The following AGBL1 variants were observed in gnomAD, a reference collection of about 807,000 sequenced individuals.
AGBL1 encodes the protein cytosolic carboxypeptidase 4.
AGBL1 carries 130 observed loss-of-function variants against 118.9 expected under a neutral mutation model. The ratio of observed to expected loss-of-function variants is 1.09; its 90% CI spans 0.95 to 1.26. The LOEUF (loss-of-function observed/expected upper bound fraction) is 1.26. Among genes scored for constraint, AGBL1 ranks in the 50% most tolerant of loss-of-function variants. The probability of loss-of-function intolerance (pLI) is 0.00; values close to 1 mark genes in which losing one functional copy is unlikely to be tolerated. For missense variants in AGBL1, 1,584 were observed against 1,298.1 expected, an observed-to-expected ratio of 1.22 and a Z score of -3.38; for synonymous variants, 555 against 478.9, an observed-to-expected ratio of 1.16 and a Z score of -2.08.
At chr15:86,112,293 G>A (rs1285690452) in intron 1 of AGBL1, among the ~76,000 whole-genome samples, 1 of 152,020 alleles carries the variant, frequency 6.6e-6, no homozygotes, top group Non-Finnish European at 1.5e-5. Flanking sequence ...GGCTGATAAC[G>A]ATGTATGGGC....
At position 86,093,031 on chromosome 15, in the gene AGBL1, C is replaced by G. The variant is rs112797164; in HGVS notation, c.51+13008C>G. Among the ~76,000 whole-genome samples, 14 of 152,130 alleles carry G rather than the reference C, an allele frequency of 9.2e-5. No homozygotes were observed. The East Asian group carries it at 2.7e-3, about 29-fold the overall frequency. On this transcript the variant is annotated intron_variant, in intron 1 of 22. Coordinates refer to ENST00000614907, the MANE Select transcript of AGBL1 (RefSeq NM_001386094.1). ...GAAGTATTTACTGTTTTGGAAGGTGCCTGGGAAGGTTGAATTGTATATTCG... is the reference window on the plus strand; with the variant it reads ...GAAGTATTTACTGTTTTGGAAGGTGGCTGGGAAGGTTGAATTGTATATTCG...
rs76300113 is a variant in AGBL1, at chr15:86,866,477, G to A, written c.3159-40610G>A. ...CAACAGTCATCTACTTCTTGCATAA[G>A]TCTTTCAGAAAACAATTATTGAGCA... On this transcript the variant is annotated intron_variant, in intron 22 of 22. Transcript: ENST00000614907. Among the ~76,000 whole-genome samples, 689 of 152,306 alleles carry A rather than the reference G, an allele frequency of 4.5e-3. 8 individuals are homozygous for A. Among genetic ancestry groups the A allele is most frequent in the African/African-American group, 0.016 (664 of 41,578 alleles).
intron 24 of AGBL1, among the ~76,000 whole-genome samples, chr15:87,012,175 T>G (rs11856700): frequency 0.11 from 15,590 of 145,558 alleles, 1,614 homozygotes; most frequent in African/African-American, 0.28. Flanking sequence ...GTACTTTTCT[T>G]TGTATATACA....
At chr15:86,224,060 A>G (rs973395145) in intron 5 of AGBL1, among the ~76,000 whole-genome samples, 3 of 152,116 alleles carry the variant, frequency 2.0e-5, no homozygotes, top group African/African-American at 4.8e-5. Flanking sequence ...TGTTCCTCCA[A>G]TCCTGAGAGA....
At chr15:86,151,301 TAAA>T (rs199623183) in intron 3 of AGBL1, among the ~76,000 whole-genome samples, 11 of 128,698 alleles carry the variant, frequency 8.5e-5, no homozygotes, top group South Asian at 2.4e-4. Context: ...AAAGTGTAAT[TAAA>T]AAAAAAAAAA....
intron 22 of AGBL1, among the ~76,000 whole-genome samples, chr15:86,857,662 A>G (rs545684922): frequency 1.3e-5 from 2 of 152,258 alleles, no homozygotes; most frequent in South Asian, 2.1e-4. Flanking sequence ...TGCTGTTTTT[A>G]TATACTCATG....
intron 17 of AGBL1, among the ~76,000 whole-genome samples, chr15:86,308,486 C>T (rs574998921): frequency 3.0e-4 from 45 of 152,244 alleles, no homozygotes; most frequent in East Asian, 1.9e-3. Context: ...CCTCCAAAAC[C>T]GTTAAAATAA....
At chr15:86,461,473 G>A (rs1251463360) in intron 18 of AGBL1, among the ~76,000 whole-genome samples, 1 of 151,984 alleles carries the variant, frequency 6.6e-6, no homozygotes, top group Non-Finnish European at 1.5e-5. Flanking sequence ...TTTATATAGC[G>A]CTTATCTCCC....
chr15:86,242,272 TA>T (rs796861001), intron 6 of AGBL1, among the ~76,000 whole-genome samples: 21 of 148,530 alleles, frequency 1.4e-4, no homozygotes, highest in East Asian at 3.9e-4. Context: ...GCCATTGGAA[TA>T]AAAAAAAAAT....
intron 17 of AGBL1, among the ~76,000 whole-genome samples, chr15:86,367,772 G>A (rs766361252): frequency 2.6e-5 from 4 of 152,120 alleles, no homozygotes; most frequent in African/African-American, 7.2e-5. Flanking sequence ...AACAGATGAC[G>A]TTGGTAGATA....
chr15:86,135,018 T>C (rs1172059809), intron 1 of AGBL1, among the ~76,000 whole-genome samples: 3 of 151,966 alleles, frequency 2.0e-5, no homozygotes, highest in African/African-American at 4.8e-5. Flanking sequence ...AATGTTGGAG[T>C]TGGGGCCTAA....
At chr15:86,904,549 CATATT>C (rs1391490065) in intron 22 of AGBL1, among the ~76,000 whole-genome samples, 2 of 148,442 alleles carry the variant, frequency 1.3e-5, no homozygotes, top group Non-Finnish European at 3.0e-5. Flanking sequence ...ATGTTTATAA[CATATT>C]ATGTTACATA....
At chr15:86,162,648 T>A (rs1056444468) in intron 5 of AGBL1, among the ~76,000 whole-genome samples, 1 of 152,210 alleles carries the variant, frequency 6.6e-6, no homozygotes, top group Non-Finnish European at 1.5e-5. Context: ...ATGAGTCCCA[T>A]GCTAGTGGGA....
chr15:86,130,758 A>C (rs930634650), intron 1 of AGBL1, among the ~76,000 whole-genome samples: 4 of 152,188 alleles, frequency 2.6e-5, no homozygotes, highest in Admixed American at 2.6e-4. Context: ...TTTGCATTCT[A>C]GTCACTATTG....
intron 18 of AGBL1, among the ~76,000 whole-genome samples, chr15:86,487,100 C>T (rs1332943688): frequency 6.6e-6 from 1 of 152,082 alleles, no homozygotes; most frequent in Non-Finnish European, 1.5e-5. Flanking sequence ...AGCCCTTGGG[C>T]TTGCCAGCTC....
chr15:86,104,381 G>A, intron 1 of AGBL1, among the ~76,000 whole-genome samples: 1 of 152,170 alleles, frequency 6.6e-6, no homozygotes, highest in Non-Finnish European at 1.5e-5. Flanking sequence ...AGGCAGCTGG[G>A]GAGTATATGC....
intron 17 of AGBL1, among the ~76,000 whole-genome samples, chr15:86,381,282 C>G (rs553270382): frequency 1.3e-5 from 2 of 152,270 alleles, no homozygotes; most frequent in South Asian, 4.2e-4. Context: ...AAATTGCTTT[C>G]AAAGTCAATG....
chr15:86,117,198 A>G (rs1897818788), intron 1 of AGBL1, among the ~76,000 whole-genome samples: 1 of 152,066 alleles, frequency 6.6e-6, no homozygotes, highest in Non-Finnish European at 1.5e-5. Flanking sequence ...GATGTGATGC[A>G]TGATTACCTG....
chr15:86,821,488 A>G (rs1338618660), intron 22 of AGBL1, among the ~76,000 whole-genome samples: 2 of 152,184 alleles, frequency 1.3e-5, no homozygotes, highest in South Asian at 2.1e-4. Context: ...ACAGAGAGGG[A>G]ATGGAATACA....
Sources: gnomAD v4.1 joint callset for allele counts (sites outside exome capture counted in the v4.1 genomes callset) on GRCh38, gnomAD v4.1.1 for gene constraint, MANE v1.5 for transcripts, NCBI Gene and HGNC (gene_info 2026-07-23, HGNC 2026-07-21) for gene names.